The following COL13A1 variants were observed in gnomAD, a reference collection of about 807,000 sequenced individuals.
The protein encoded by COL13A1 is collagen alpha-1(XIII) chain.
Under a neutral mutation model 130.9 loss-of-function variants are expected in COL13A1, and 89 were observed. The observed-to-expected ratio is 0.68, with a 90% CI of 0.57 to 0.81. The LOEUF is 0.81. Ranked by LOEUF, COL13A1 falls within the 30% of genes least tolerant of loss-of-function variation. The pLI, the probability that COL13A1 is intolerant of heterozygous loss-of-function variation, is 0.00. For synonymous variants in COL13A1, 402 were observed against 341.6 expected (o/e 1.18, Z -1.95); for missense variants, 879 against 934.6 (o/e 0.94, Z 0.78).
At chr10:69,895,617 T>G (rs1373038490) in intron 13 of COL13A1, 41 bp downstream of exon 13, 6 of 1,610,134 alleles carry the variant, frequency 3.7e-6, no homozygotes, top group Non-Finnish European at 5.1e-6. Context: ...CTTTGATCCA[T>G]CCCTGGGGCA....
At chr10:69,921,175 T>C (rs1318892527) in intron 21 of COL13A1, among the ~76,000 whole-genome samples, 1 of 152,140 alleles carries the variant, frequency 6.6e-6, no homozygotes, top group East Asian at 1.9e-4. Context: ...GCTCCAAGCC[T>C]CTCTCCCGGC....
chr10:69,923,930 C>T, intron 24 of COL13A1, 75 bp downstream of exon 24: 1 of 1,548,094 alleles, frequency 6.5e-7, no homozygotes, highest in Non-Finnish European at 8.8e-7. Flanking sequence ...CCGGCCGACC[C>T]TAGGGGTATC....
chr10:69,870,574 G>T (rs920437142), intron 3 of COL13A1, among the ~76,000 whole-genome samples: 6 of 151,632 alleles, frequency 4.0e-5, no homozygotes, highest in Non-Finnish European at 7.4e-5. Context: ...TCCTGCCTCA[G>T]TCTCCCAAGT....
At chr10:69,847,857 G>A (rs1020416141) in intron 2 of COL13A1, among the ~76,000 whole-genome samples, 2 of 152,232 alleles carry the variant, frequency 1.3e-5, no homozygotes, top group Non-Finnish European at 2.9e-5. Context: ...TGCCGTCAAG[G>A]TCCTCAGTGG....
intron 2 of COL13A1, among the ~76,000 whole-genome samples, chr10:69,867,075 G>T (rs1398947607): frequency 6.6e-6 from 1 of 152,122 alleles, no homozygotes; most frequent in Non-Finnish European, 1.5e-5. Flanking sequence ...CGGAACACTT[G>T]AATTTGTCAT....
chr10:69,871,792 C>G (rs1021337675), intron 3 of COL13A1, among the ~76,000 whole-genome samples: 6 of 152,348 alleles, frequency 3.9e-5, no homozygotes, highest in Admixed American at 1.3e-4. Context: ...ATAGTAATAG[C>G]TGCATTTATT....
intron 10 of COL13A1, among the ~76,000 whole-genome samples, chr10:69,893,866 G>A (rs903787981): frequency 6.6e-6 from 1 of 152,174 alleles, no homozygotes; most frequent in East Asian, 1.9e-4. Flanking sequence ...TAAGGCATTT[G>A]TTTTCTCCTC....
rs564601247 is a variant in COL13A1, at chr10:69,857,706, C to A, written c.365-10092C>A. 3.9e-5 allele frequency among the ~76,000 whole-genome samples: 6 copies of A among 152,266 alleles called. No homozygotes were observed. In the South Asian group the frequency reaches 1.2e-3, roughly 32 times the overall value. ...ACTGCTGCCCTAGAATCAGCCTGCC[C>A]CTCACCAGCTTGGGATGCAAGGCAG... is the stretch of plus-strand genomic sequence containing the variant. On this transcript the variant is annotated intron_variant, in intron 2 of 40. Transcript: ENST00000645393.
chr10:69,929,128 G>A (rs2065773230), intron 28 of COL13A1, 129 bp downstream of exon 28: 3 of 721,402 alleles, frequency 4.2e-6, no homozygotes, highest in Non-Finnish European at 4.6e-6. Context: ...CAAGGCACCA[G>A]GGGACCCGCC....
intron 34 of COL13A1, among the ~76,000 whole-genome samples, chr10:69,939,136 ACAG>A (rs2067303487): frequency 6.6e-6 from 1 of 152,220 alleles, no homozygotes; most frequent in African/African-American, 2.4e-5. Flanking sequence ...TAAGTAAACA[ACAG>A]AACAAGCATT....
At chr10:69,897,239 G>A (rs1415168805) in intron 13 of COL13A1, among the ~76,000 whole-genome samples, 5 of 152,308 alleles carry the variant, frequency 3.3e-5, no homozygotes, top group African/African-American at 1.2e-4. Flanking sequence ...GAAGAGGGTA[G>A]AAAATCAGGG....
At chr10:69,949,492 T>A (rs560485560) in intron 38 of COL13A1, among the ~76,000 whole-genome samples, 10 of 152,184 alleles carry the variant, frequency 6.6e-5, no homozygotes, top group Non-Finnish European at 1.5e-4. Flanking sequence ...CAGAGATTTG[T>A]TTTATCTTAC....
At chr10:69,934,928 T>C (rs2066630368) in intron 31 of COL13A1, among the ~76,000 whole-genome samples, 1 of 152,158 alleles carries the variant, frequency 6.6e-6, no homozygotes, top group Non-Finnish European at 1.5e-5. Flanking sequence ...GCAAGAGCGC[T>C]GGATCAAAGA....
chr10:69,887,176 C>T (rs536528103), intron 7 of COL13A1, among the ~76,000 whole-genome samples: 7 of 152,340 alleles, frequency 4.6e-5, no homozygotes, highest in East Asian at 1.9e-4. Flanking sequence ...GCATCCACAG[C>T]GGTGAGGAGC....
intron 7 of COL13A1, among the ~76,000 whole-genome samples, chr10:69,883,292 C>T (rs1488714441): frequency 6.6e-6 from 1 of 152,158 alleles, no homozygotes; most frequent in Non-Finnish European, 1.5e-5. Flanking sequence ...AGAGGATCTG[C>T]CAGTCCTAGG....
intron 38 of COL13A1, among the ~76,000 whole-genome samples, chr10:69,947,821 A>G (rs369211192): frequency 9.2e-5 from 14 of 152,268 alleles, no homozygotes; most frequent in East Asian, 5.8e-4. Flanking sequence ...TACAGCCACT[A>G]TTTCTCTTGG....
intron 38 of COL13A1, among the ~76,000 whole-genome samples, chr10:69,952,599 C>A (rs1344067874): frequency 6.6e-6 from 1 of 152,148 alleles, no homozygotes; most frequent in Non-Finnish European, 1.5e-5. Flanking sequence ...ATTAGCAAAA[C>A]CGGCCACCAA....
intron 39 of COL13A1, chr10:69,955,973 G>A (rs926271218): frequency 1.3e-5 from 2 of 152,238 alleles, no homozygotes; most frequent in African/African-American, 4.8e-5. Flanking sequence ...AATGCCAGGT[G>A]ATGAGAGGTT....
rs80290126 is a variant in COL13A1, at chr10:69,925,801, C to T, written c.1330-3C>T. 60,270 of 1,592,582 alleles carry T rather than the reference C, an allele frequency of 0.038. 1,279 individuals are homozygous for T. Among genetic ancestry groups the T allele is most frequent in the Middle Eastern group, 0.062 (377 of 6,044 alleles). ...GTGGGTTGAGATCTCATTTGCCTTC[C>T]AGGGCTCCAAGGGAGAACCAGGGAA... On this transcript the variant is annotated splice_region_variant and splice_polypyrimidine_tract_variant and intron_variant, in intron 25 of 40. Coordinates refer to ENST00000645393, the MANE Select transcript of COL13A1 (RefSeq NM_001368882.1).
Sources: allele counts gnomAD v4.1 joint callset (sites outside exome capture counted in the v4.1 genomes callset), GRCh38; gene constraint gnomAD v4.1.1; transcripts MANE v1.5; gene names NCBI Gene and HGNC (gene_info 2026-07-23, HGNC 2026-07-21).